MMP28: variants seen among roughly 807,000 people sequenced by gnomAD.
The protein encoded by MMP28 is matrix metallopeptidase 28.
MMP28 carries 55 observed loss-of-function variants against 60.5 expected under a neutral mutation model. The ratio of observed to expected loss-of-function variants is 0.91; its 90% CI spans 0.73 to 1.14. The LOEUF is 1.14. Among genes scored for constraint, MMP28 ranks in the 50% most tolerant of loss-of-function variants. MMP28 has a pLI of 0.00. For synonymous variants in MMP28, 318 were observed against 312.5 expected (o/e 1.02, Z -0.18); for missense variants, 686 against 738.3 (o/e 0.93, Z 0.82).
chr17:35,775,669 T>C (rs1422935107), intron 3 of MMP28, among the ~76,000 whole-genome samples: 2 of 152,160 alleles, frequency 1.3e-5, no homozygotes, highest in African/African-American at 4.8e-5. Flanking sequence ...ACTTTTCCCA[T>C]GGTAAGATGT....
Position 35,795,449 on chromosome 17 carries a change from C to A in MMP28, c.-72G>T. The A allele has an allele frequency of 8.7e-7, 1 of 1,147,810 alleles. No individual in the cohort carries two copies. The highest frequency in any genetic ancestry group is 3.2e-5 in the East Asian group (1 of 31,256). 71.1% of individuals were successfully genotyped at this position (1,147,810 alleles called of 1,614,324 possible). On this transcript the variant is annotated 5_prime_UTR_variant, in exon 1 of 8. Coordinates refer to ENST00000605424, the MANE Select transcript of MMP28 (RefSeq NM_024302.5). ...GGAACCAGCCGGCAGTCAGCCGCGCCCGGGACCCCGGGGATGGGACTGCTC... is the reference window on the plus strand; with the variant it reads ...GGAACCAGCCGGCAGTCAGCCGCGCACGGGACCCCGGGGATGGGACTGCTC...
At chr17:35,774,504 T>C (rs2086266684) in intron 3 of MMP28, among the ~76,000 whole-genome samples, 2 of 152,232 alleles carry the variant, frequency 1.3e-5, no homozygotes, top group African/African-American at 4.8e-5. Context: ...CAGGCACATT[T>C]GCCAGGACGC....
chr17:35,782,088 G>T (rs1282124364), intron 1 of MMP28, among the ~76,000 whole-genome samples: 1 of 135,626 alleles, frequency 7.4e-6, no homozygotes, highest in African/African-American at 2.9e-5. Flanking sequence ...GTCTCGCTCT[G>T]TCGCCCAGGC....
downstream of MMP28, among the ~76,000 whole-genome samples, chr17:35,765,379 T>A (rs1555602673): frequency 6.6e-6 from 1 of 151,228 alleles, no homozygotes; most frequent in African/African-American, 2.4e-5. Context: ...TGTGGAGGGG[T>A]GGGAGAAGCC....
At chr17:35,776,888 C>CA (rs374826303) in intron 3 of MMP28, among the ~76,000 whole-genome samples, 2,023 of 143,670 alleles carry the variant, frequency 0.014, 20 homozygotes, top group Middle Eastern at 0.021. Context: ...GGCTCCATCT[C>CA]AAAAAAAAAA....
chr17:35,772,404 C>A (rs553763002), intron 4 of MMP28, among the ~76,000 whole-genome samples: 26 of 152,154 alleles, frequency 1.7e-4, no homozygotes, highest in Non-Finnish European at 3.7e-4. Context: ...TCTTGCAAAG[C>A]CTAGATTCCT....
rs2086229633 is a variant in MMP28 at position 35,773,403 on chromosome 17, A to G, written c.381T>C (p.Gly127=). Reference sequence around the variant, plus strand: ...AGAGGTGCTGCTTGTACCATTTGTTACCTGCCACCCAGAAAGCCCACGTCA... The same window carrying G: ...AGAGGTGCTGCTTGTACCATTTGTTGCCTGCCACCCAGAAAGCCCACGTCA... ...MRRKKRFAKQ[G]NKWYKQHLSY... Residue 127 remains glycine (G), a splice_region_variant and synonymous_variant, in exon 4 of 8, where the codon GGT becomes GGC. Transcript: ENST00000605424. 1.3e-6 allele frequency: 2 copies of G among 1,586,586 alleles called. No homozygotes were observed.
intron 1 of MMP28, among the ~76,000 whole-genome samples, chr17:35,788,937 A>G (rs2086732345): frequency 6.6e-6 from 1 of 152,176 alleles, no homozygotes; most frequent in Non-Finnish European, 1.5e-5. Flanking sequence ...TCAATCTTGC[A>G]ACTCAGCAGA....
At chr17:35,764,515 T>A, downstream of MMP28, 1 of 1,596,742 alleles carries the variant, frequency 6.3e-7, no homozygotes, top group Non-Finnish European at 8.5e-7. Context: ...GAGCTCCTCT[T>A]CTGCAAGAAA....
intron 1 of MMP28, among the ~76,000 whole-genome samples, chr17:35,786,950 G>T (rs575708678): frequency 6.6e-6 from 1 of 152,084 alleles, no homozygotes; most frequent in East Asian, 1.9e-4. Flanking sequence ...GTGATCTAGT[G>T]TGTGACAGAA....
intron 5 of MMP28, 23 bp downstream of exon 5, chr17:35,770,044 C>T (rs746217398): frequency 1.2e-5 from 18 of 1,523,974 alleles, no homozygotes; most frequent in Admixed American, 4.2e-5. Flanking sequence ...GGACCAAGAG[C>T]GGGGCATGTC....
rs761787539 is a variant in MMP28 at position 35,770,223 on chromosome 17, G to T, written c.694C>A (p.Arg232Ser). ...TGCGCCAGCACCACGAACAGGTTGC[G>T]CCCGCGGCGGCGGCTCAGGGACCAG... ...ERWSLSRRRG[R>S]NLFVVLAHEI... is the part of the protein sequence containing the mutation. Residue 232 changes from arginine (R) to serine (S), a missense_variant, in exon 5 of 8, where the codon CGC becomes AGC. Coordinates refer to ENST00000605424, the MANE Select transcript of MMP28 (RefSeq NM_024302.5). 2 of 1,596,128 alleles carry T rather than the reference G, an allele frequency of 1.3e-6. No individual in the cohort carries two copies. The highest frequency in any genetic ancestry group is 8.5e-7 in the Non-Finnish European group (1 of 1,176,388).
At chr17:35,761,957 C>G (rs2085828802), downstream of MMP28, among the ~76,000 whole-genome samples, 1 of 152,158 alleles carries the variant, frequency 6.6e-6, no homozygotes, top group Non-Finnish European at 1.5e-5. Flanking sequence ...ATAGGATGGA[C>G]TGGGATCAAA....
In MMP28 at chr17:35,766,871, C is replaced by A. The variant is rs1356617694; in HGVS notation, c.1192G>T (p.Gly398Cys). The change falls in exon 8 of 8, where the codon GGC (glycine) becomes TGC (cysteine). Residue 398 changes from glycine (G) to cysteine (C), a missense_variant. Gly to Cys is a radical substitution (Grantham distance 159). Coordinates refer to ENST00000605424, the MANE Select transcript of MMP28 (RefSeq NM_024302.5). The surrounding 1 kb of genome is among the most constrained non-coding windows in gnomAD (Gnocchi z 4.3). ...FKGGRCWRFR[G>C]PKPVWGLPQL... ...GGGAGACCCCACACTGGCTTGGGGC[C>A]CCGGAACCTCCAGCATCGACCCCCT... The A allele has an allele frequency of 1.3e-5, 20 of 1,578,712 alleles. No individual in the cohort carries two copies. The highest frequency in any genetic ancestry group is 1.8e-5 in the Admixed American group (1 of 55,532).
chr17:35,764,217 A>G (rs1191980684), downstream of MMP28: 1 of 1,547,116 alleles, frequency 6.5e-7, no homozygotes, highest in East Asian at 2.4e-5. Context: ...CCGCTGCGCC[A>G]GGAGTCCAGC....
downstream of MMP28, among the ~76,000 whole-genome samples, chr17:35,763,309 C>G (rs587632941): frequency 1.1e-3 from 172 of 151,990 alleles, 1 homozygote; most frequent in African/African-American, 3.8e-3. Flanking sequence ...CGGGGTCTCA[C>G]TCTGTCACCT....
intron 3 of MMP28, among the ~76,000 whole-genome samples, chr17:35,773,908 T>A (rs2143332067): frequency 6.6e-6 from 1 of 152,236 alleles, no homozygotes; most frequent in Middle Eastern, 3.4e-3. Context: ...CCTCACACCC[T>A]CCTGCCACCT....
chr17:35,784,677 G>A (rs1014835025), intron 1 of MMP28, among the ~76,000 whole-genome samples: 2 of 152,186 alleles, frequency 1.3e-5, no homozygotes, highest in Admixed American at 6.5e-5. Flanking sequence ...AAACTGGGAG[G>A]TGGAGCTCCA....
In MMP28 at chr17:35,795,300, C is replaced by T; in HGVS notation, c.78G>A (p.Glu26=). Residue 26 remains glutamate (E), a synonymous_variant, in exon 1 of 8, where the codon GAG becomes GAA. Coordinates refer to ENST00000605424, the MANE Select transcript of MMP28 (RefSeq NM_024302.5). ...LWGHLDAQPA[E]RGGQELRKEA... is the part of the protein sequence containing the mutation. ...CCTTGCGCAGCTCCTGGCCTCCGCG[C>T]TCCGCGGGCTGGGCGTCCAGGTGGC... 2 of 1,465,096 alleles carry T rather than the reference C, an allele frequency of 1.4e-6. No individual in the cohort carries two copies. Among genetic ancestry groups the T allele is most frequent in the Non-Finnish European group, 1.8e-6 (2 of 1,108,768 alleles). The allele number at this position is 1,465,096 out of a possible 1,614,324, so 90.8% of individuals were successfully genotyped here. A position where few individuals can be genotyped will look rare whatever the true frequency, so the allele number is the denominator to read the frequency against.
Sources: gnomAD v4.1 joint callset for allele counts (sites outside exome capture counted in the v4.1 genomes callset) on GRCh38, gnomAD v4.1.1 for gene constraint, Gnocchi (gnomAD v3.1) non-coding constraint, MANE v1.5 for transcripts, NCBI Gene and HGNC (gene_info 2026-07-23, HGNC 2026-07-21) for gene names.